Variants in CCDC39 observed in about 807,000 individuals in gnomAD.
CCDC39 encodes the protein coiled-coil domain 39 molecular ruler complex subunit, also known as coiled-coil domain-containing protein 39.
Under a neutral mutation model 121.0 loss-of-function variants are expected in CCDC39, and 113 were observed. The ratio of observed to expected loss-of-function variants is 0.93; its 90% CI spans 0.80 to 1.09. The LOEUF is 1.09. CCDC39 is among the 50% of genes least tolerant of loss of function. CCDC39 has a pLI of 0.00. For synonymous variants in CCDC39, 349 were observed against 352.2 expected (o/e 0.99, Z 0.10); for missense variants, 1,063 against 1,074.7 (o/e 0.99, Z 0.15).
chr3:180,623,078 T>TTTTTTA (rs942978968), intron 14 of CCDC39, among the ~76,000 whole-genome samples: 1 of 144,978 alleles, frequency 6.9e-6, no homozygotes, highest in Admixed American at 6.9e-5. Context: ...TTTGGAGATT[T>TTTTTTA]TTATTATTAT....
chr3:180,670,731 C>G (rs73885322), intron 1 of CCDC39, among the ~76,000 whole-genome samples: 5,707 of 145,302 alleles, frequency 0.039, 369 homozygotes, highest in African/African-American at 0.14. Context: ...CAAATGATAA[C>G]AAAGCAAAAT....
chr3:180,676,606 C>G (rs532329776), intron 1 of CCDC39, among the ~76,000 whole-genome samples: 5 of 152,276 alleles, frequency 3.3e-5, no homozygotes, highest in African/African-American at 1.2e-4. Context: ...GGATCTAGAA[C>G]TAGAAATACC....
At chr3:180,646,140 T>G (rs1718062041) in intron 11 of CCDC39, among the ~76,000 whole-genome samples, 2 of 152,246 alleles carry the variant, frequency 1.3e-5, no homozygotes, top group South Asian at 4.1e-4. Context: ...AAAACAGCAG[T>G]AGTGGTATAG....
At position 180,677,168 on chromosome 3, in the gene CCDC39, TTATATATATATATATATATATATA is replaced by T. The variant is rs58408770; in HGVS notation, c.90+2099_90+2122del. 5.5e-3 allele frequency among the ~76,000 whole-genome samples: 193 copies of T among 35,178 alleles called. 7 individuals carry two copies. The Middle Eastern group carries it at 0.12, about 21-fold the overall frequency. 23.1% of individuals were successfully genotyped at this position (35,178 alleles called of 152,430 possible). A position where few individuals can be genotyped will look rare whatever the true frequency, so the allele number is the denominator to read the frequency against. On this transcript the variant is annotated intron_variant, in intron 1 of 19. Coordinates refer to ENST00000476379, the MANE Select transcript of CCDC39 (RefSeq NM_181426.2). ...TATAATAATAATAATAATAATAATT[TTATATATATATATATATATATATA>T]TATATATATATATATATATATATAA...
At position 180,614,853 on chromosome 3, in the gene CCDC39, G is replaced by T; in HGVS notation, c.*68C>A. ...CTTTCCACTAGATAAAATGTGTTGG[G>T]TCGTTTTGTATTTTAAAGTATATTT... On this transcript the variant is annotated 3_prime_UTR_variant, in exon 20 of 20. Coordinates refer to ENST00000476379, the MANE Select transcript of CCDC39 (RefSeq NM_181426.2). 1 of 1,396,052 alleles carries T rather than the reference G, an allele frequency of 7.2e-7. No homozygotes were observed. Among genetic ancestry groups the T allele is most frequent in the Non-Finnish European group, 9.8e-7 (1 of 1,025,254 alleles). The allele number at this position is 1,396,052 out of a possible 1,614,324, so 86.5% of individuals were successfully genotyped here. A position where few individuals can be genotyped will look rare whatever the true frequency, so the allele number is the denominator to read the frequency against.
At chr3:180,642,983 G>T (rs1243431869) in intron 12 of CCDC39, among the ~76,000 whole-genome samples, 1 of 148,042 alleles carries the variant, frequency 6.8e-6, no homozygotes, top group Non-Finnish European at 1.5e-5. Context: ...TTTTTGAGAC[G>T]GAGTCTTACT....
intron 11 of CCDC39, among the ~76,000 whole-genome samples, chr3:180,646,364 A>T (rs1718068098): frequency 6.6e-6 from 1 of 152,070 alleles, no homozygotes; most frequent in Non-Finnish European, 1.5e-5. Context: ...CAGAGGACAC[A>T]TCAATAGTCT....
intron 14 of CCDC39, among the ~76,000 whole-genome samples, chr3:180,622,659 A>G (rs1278759151): frequency 1.3e-5 from 2 of 152,080 alleles, no homozygotes; most frequent in African/African-American, 4.8e-5. Context: ...ATCTGCATCT[A>G]TTGAGATGAT....
At chr3:180,673,135 C>T (rs898226175) in intron 1 of CCDC39, among the ~76,000 whole-genome samples, 7 of 152,178 alleles carry the variant, frequency 4.6e-5, no homozygotes, top group African/African-American at 1.7e-4. Flanking sequence ...ATAGTATCTA[C>T]TCCTAGTGAA....
chr3:180,634,904 A>G (rs746064397), intron 13 of CCDC39, among the ~76,000 whole-genome samples: 3 of 152,192 alleles, frequency 2.0e-5, no homozygotes, highest in Non-Finnish European at 4.4e-5. Flanking sequence ...ACATCCAGAA[A>G]AGAAATCTGT....
rs1718123691 is a variant in CCDC39, at chr3:180,648,408, T to C, written c.1168-49A>G. The C allele has an allele frequency of 1.2e-5, 15 of 1,219,150 alleles. 1 individual carries two copies. In the East Asian group the frequency reaches 3.6e-4, roughly 29 times the overall value. 75.5% of individuals were successfully genotyped at this position (1,219,150 alleles called of 1,614,324 possible). A position where few individuals can be genotyped will look rare whatever the true frequency, so the allele number is the denominator to read the frequency against. On this transcript the variant is annotated intron_variant, in intron 9 of 19. Transcript: ENST00000476379. Reference sequence around the variant, plus strand: ...TAATGGAATTAAATATATTGAAATGTTGTATTTATATGAACATAATAATTT... The same window carrying C: ...TAATGGAATTAAATATATTGAAATGCTGTATTTATATGAACATAATAATTT...
At chr3:180,630,332 TAAG>T (rs1346603318) in intron 14 of CCDC39, among the ~76,000 whole-genome samples, 1 of 152,146 alleles carries the variant, frequency 6.6e-6, no homozygotes, top group African/African-American at 2.4e-5. Context: ...TGACAAGTTA[TAAG>T]AAAGTTTTGA....
chr3:180,642,658 A>G (rs1003812414), intron 12 of CCDC39, among the ~76,000 whole-genome samples: 1 of 152,202 alleles, frequency 6.6e-6, no homozygotes, highest in African/African-American at 2.4e-5. Flanking sequence ...ACTCCAGGAT[A>G]TAAGATTTTA....
chr3:180,645,934 G>A (rs192806402), intron 11 of CCDC39, among the ~76,000 whole-genome samples: 54 of 152,146 alleles, frequency 3.5e-4, no homozygotes, highest in Admixed American at 3.5e-3. Context: ...CACAATCCAG[G>A]CCAGGGGCAA....
At chr3:180,620,108 A>C (rs1481013288) in intron 14 of CCDC39, 138 bp from the exon 15 acceptor site, 1 of 566,648 alleles carries the variant, frequency 1.8e-6, no homozygotes, top group African/African-American at 1.9e-5. Flanking sequence ...GGCACCAAGC[A>C]TTTATTTGTT....
chr3:180,634,819 A>G lies in CCDC39; in HGVS notation c.1875-3227T>C, dbSNP rs867606291. On this transcript the variant is annotated intron_variant, in intron 13 of 19. Coordinates refer to ENST00000476379, the MANE Select transcript of CCDC39 (RefSeq NM_181426.2). The stretch of plus-strand genomic sequence containing the variant: ...TCAACACCAAAAATAACTTCCTAAC[A>G]TATACCCCTGTGAAACCAAAGATAA... 1.1e-4 allele frequency among the ~76,000 whole-genome samples: 17 copies of G among 152,298 alleles called. No individual in the cohort carries two copies. In the South Asian group the frequency reaches 3.5e-3, roughly 32 times the overall value.
intron 13 of CCDC39, among the ~76,000 whole-genome samples, chr3:180,633,293 T>A (rs771083043): frequency 6.6e-6 from 1 of 152,116 alleles, no homozygotes; most frequent in Non-Finnish European, 1.5e-5. Flanking sequence ...CATTAAACAT[T>A]TATGGAAAGC....
chr3:180,647,856 C>T (rs927503038), intron 10 of CCDC39, among the ~76,000 whole-genome samples: 2 of 151,852 alleles, frequency 1.3e-5, no homozygotes, highest in Non-Finnish European at 2.9e-5. Flanking sequence ...TACAGTTTTT[C>T]TCGGTTTCAG....
Position 180,642,191 on chromosome 3 carries a change from A to G in CCDC39, c.1676T>C (p.Ile559Thr), listed in dbSNP as rs1237238257. The G allele has an allele frequency of 1.3e-6, 2 of 1,588,692 alleles. No homozygotes were observed. The highest frequency in any genetic ancestry group is 2.2e-5 in the East Asian group (1 of 44,480). The change falls in exon 13 of 20, where the codon ATA becomes ACA. Residue 559 changes from isoleucine (I) to threonine (T), a missense_variant. Physicochemically the swap from Ile to Thr is moderately conservative, Grantham distance 89 (BLOSUM62 -1). Coordinates refer to ENST00000476379, the MANE Select transcript of CCDC39 (RefSeq NM_181426.2). ...KAKGFKQDLM[I>T]EDNLLKLEVK... is the part of the protein sequence containing the mutation. ...TTCAAGTTTTAAAAGATTGTCCTCTATCATCAAATCCTATCAACGTAACAA... is the reference window on the plus strand; with the variant it reads ...TTCAAGTTTTAAAAGATTGTCCTCTGTCATCAAATCCTATCAACGTAACAA...
Sources: gnomAD v4.1 joint callset for allele counts (sites outside exome capture counted in the v4.1 genomes callset) on GRCh38, gnomAD v4.1.1 for gene constraint, MANE v1.5 for transcripts, NCBI Gene and HGNC (gene_info 2026-07-23, HGNC 2026-07-21) for gene names.